The following TMTC2 variants were observed in gnomAD, a reference collection of about 807,000 sequenced individuals.
The protein encoded by TMTC2 is protein O-mannosyl-transferase TMTC2.
Under a neutral mutation model 82.4 loss-of-function variants are expected in TMTC2, and 43 were observed. The ratio of observed to expected loss-of-function variants is 0.52; its 90% CI spans 0.41 to 0.67. The LOEUF (loss-of-function observed/expected upper bound fraction) is 0.67. Among genes scored for constraint, TMTC2 ranks in the 30% least tolerant of loss-of-function variants. TMTC2 has a pLI of 0.00. For synonymous variants in TMTC2, 408 were observed against 381.9 expected (o/e 1.07, Z -0.80); for missense variants, 919 against 1,012.4 (o/e 0.91, Z 1.25).
chr12:82,873,961 A>G lies in TMTC2; in HGVS notation c.654+16381A>G, dbSNP rs74106154. On this transcript the variant is annotated intron_variant, in intron 2 of 11. Transcript: ENST00000321196. ...CTAGAGGCAAATTCACTACTGAACAATTTTAAAAGAGCAATCACATAAAGT... is the reference window on the plus strand; with the variant it reads ...CTAGAGGCAAATTCACTACTGAACAGTTTTAAAAGAGCAATCACATAAAGT... Among the ~76,000 whole-genome samples, 458 of 152,342 alleles carry G rather than the reference A, an allele frequency of 3.0e-3. 2 individuals carry two copies. Among genetic ancestry groups the G allele is most frequent in the African/African-American group, 0.01 (431 of 41,578 alleles).
chr12:82,937,065 T>C (rs1876358878), intron 4 of TMTC2, among the ~76,000 whole-genome samples: 1 of 152,212 alleles, frequency 6.6e-6, no homozygotes, highest in African/African-American at 2.4e-5. Context: ...TGGACATTTG[T>C]TGTTTCATTT....
chr12:82,731,968 T>A (rs919764373), intron 1 of TMTC2, among the ~76,000 whole-genome samples: 1 of 152,226 alleles, frequency 6.6e-6, no homozygotes, highest in Admixed American at 6.5e-5. Context: ...TCTCTTTCCC[T>A]GGCTTTGCTC....
At chr12:83,050,869 C>G in intron 9 of TMTC2, 35 bp from the exon 10 acceptor site, 11 of 1,448,820 alleles carry the variant, frequency 7.6e-6, no homozygotes, top group Non-Finnish European at 1.1e-5. Context: ...ATGGGATTTT[C>G]TGAGTTGAAG....
intron 1 of TMTC2, among the ~76,000 whole-genome samples, chr12:82,779,805 CAGG>C (rs1408557069): frequency 7.9e-5 from 12 of 152,046 alleles, no homozygotes; most frequent in Non-Finnish European, 2.9e-5. Context: ...GAGGCTGAGA[CAGG>C]AGAATTGCTT....
At chr12:82,788,566 T>C (rs1878297822) in intron 1 of TMTC2, among the ~76,000 whole-genome samples, 2 of 152,134 alleles carry the variant, frequency 1.3e-5, no homozygotes, top group Non-Finnish European at 2.9e-5. Context: ...CTTTACCTAA[T>C]TAAATTTGTT....
At chr12:82,924,856 C>T (rs1321344835) in intron 3 of TMTC2, among the ~76,000 whole-genome samples, 1 of 152,106 alleles carries the variant, frequency 6.6e-6, no homozygotes, top group Non-Finnish European at 1.5e-5. Flanking sequence ...CACAAAATCC[C>T]TCACTGAATA....
rs570311713 is a variant in TMTC2 at position 82,951,612 on chromosome 12, C to T, written c.1599-13412C>T. Among the ~76,000 whole-genome samples, 8 of 152,270 alleles carry T rather than the reference C, an allele frequency of 5.3e-5. No individual in the cohort carries two copies. The East Asian group carries it at 7.7e-4, about 15-fold the overall frequency. On this transcript the variant is annotated intron_variant, in intron 4 of 11. Coordinates refer to ENST00000321196, the MANE Select transcript of TMTC2 (RefSeq NM_152588.3). ...CTAAGATTACAGGTGTGAGCCACTGCGCCCAGCTGGAATTTAACCTTTTAA... is the reference window on the plus strand; with the variant it reads ...CTAAGATTACAGGTGTGAGCCACTGTGCCCAGCTGGAATTTAACCTTTTAA...
chr12:83,077,333 C>T (rs563567014), intron 11 of TMTC2, among the ~76,000 whole-genome samples: 6 of 152,032 alleles, frequency 3.9e-5, no homozygotes, highest in African/African-American at 9.7e-5. Flanking sequence ...AAGAGGAACC[C>T]GAACAAACAG....
intron 1 of TMTC2, among the ~76,000 whole-genome samples, chr12:82,798,156 C>T (rs12367228): frequency 0.26 from 38,855 of 150,164 alleles, 5,162 homozygotes; most frequent in Middle Eastern, 0.41. Context: ...GGGGTTTCAC[C>T]GTGTTAGCCA....
intron 8 of TMTC2, among the ~76,000 whole-genome samples, chr12:83,026,814 T>A (rs1025744860): frequency 3.3e-5 from 5 of 151,866 alleles, no homozygotes; most frequent in Non-Finnish European, 7.4e-5. Context: ...TTGGGAGAGA[T>A]GCTGCTTGCC....
chr12:82,730,480 G>A (rs1874735697), intron 1 of TMTC2, among the ~76,000 whole-genome samples: 1 of 152,148 alleles, frequency 6.6e-6, no homozygotes. Flanking sequence ...CCAAAAAGAA[G>A]TGGAGGTGCA....
intron 4 of TMTC2, among the ~76,000 whole-genome samples, chr12:82,935,010 A>G (rs1007491617): frequency 3.3e-5 from 5 of 151,856 alleles, no homozygotes; most frequent in African/African-American, 1.2e-4. Flanking sequence ...TTTCAAATTT[A>G]GAAAAAAATA....
chr12:82,912,074 A>T (rs1874700316), intron 3 of TMTC2, among the ~76,000 whole-genome samples: 1 of 152,220 alleles, frequency 6.6e-6, no homozygotes, highest in African/African-American at 2.4e-5. Flanking sequence ...GTGATCTTAA[A>T]CAGCATAATT....
chr12:83,067,317 GAAAT>G (rs1882954093), intron 11 of TMTC2, among the ~76,000 whole-genome samples: 1 of 151,916 alleles, frequency 6.6e-6, no homozygotes, highest in Non-Finnish European at 1.5e-5. Flanking sequence ...ATGATGTTTG[GAAAT>G]AAATATTTGA....
At chr12:83,061,742 GT>G in intron 10 of TMTC2, 25 bp from the exon 11 acceptor site, 1 of 1,555,612 alleles carries the variant, frequency 6.4e-7, no homozygotes, top group African/African-American at 1.4e-5. Context: ...ATATGATATA[GT>G]TTTATTTTAT....
At chr12:82,772,968 C>G (rs11115408) in intron 1 of TMTC2, among the ~76,000 whole-genome samples, 1 of 151,990 alleles carries the variant, frequency 6.6e-6, no homozygotes, top group African/African-American at 2.4e-5. Context: ...TTTCTACTTC[C>G]TTATTTTCAA....
Position 82,960,772 on chromosome 12 carries a change from A to G in TMTC2, c.1599-4252A>G, listed in dbSNP as rs888490760. Among the ~76,000 whole-genome samples the G allele has an allele frequency of 2.0e-5, 3 of 150,092 alleles. No individual in the cohort carries two copies. In the South Asian group the frequency reaches 6.3e-4, roughly 31 times the overall value. On this transcript the variant is annotated intron_variant, in intron 4 of 11. Transcript: ENST00000321196. ...ATACATGTAAGAAACCTGTACATGA[A>G]CCCCTTGAATCTAAAAAAAATTTTA...
At chr12:82,918,706 T>G (rs1875172995) in intron 3 of TMTC2, among the ~76,000 whole-genome samples, 1 of 134,648 alleles carries the variant, frequency 7.4e-6, no homozygotes, top group South Asian at 2.5e-4. Flanking sequence ...TTTATCTTTT[T>G]TCTTTTCTTC....
intron 2 of TMTC2, among the ~76,000 whole-genome samples, chr12:82,877,913 A>G (rs1381040007): frequency 6.6e-6 from 1 of 152,240 alleles, no homozygotes; most frequent in African/African-American, 2.4e-5. Context: ...ATGGAGAGCT[A>G]CAATATCACC....
Sources: gnomAD v4.1 joint callset for allele counts (sites outside exome capture counted in the v4.1 genomes callset) on GRCh38, gnomAD v4.1.1 for gene constraint, MANE v1.5 for transcripts, NCBI Gene and HGNC (gene_info 2026-07-23, HGNC 2026-07-21) for gene names.